Variants in GLIS3 observed in about 807,000 individuals in gnomAD.
GLIS3 encodes GLIS family zinc finger 3.
A neutral mutation model predicts 78.6 loss-of-function variants in GLIS3; 53 were observed. The ratio of observed to expected loss-of-function variants is 0.67; its 90% CI spans 0.54 to 0.85. The LOEUF is 0.85. Among genes scored for constraint, GLIS3 ranks in the 40% least tolerant of loss-of-function variants. GLIS3 has a pLI of 0.00. For synonymous variants in GLIS3, 684 were observed against 509.9 expected (o/e 1.34, Z -4.60); for missense variants, 1,703 against 1,231.1 (o/e 1.38, Z -5.74).
chr9:3,907,025 G>A (rs957961632), intron 6 of GLIS3, among the ~76,000 whole-genome samples: 1 of 152,046 alleles, frequency 6.6e-6, no homozygotes, highest in African/African-American at 2.4e-5. Flanking sequence ...AGTCCACACT[G>A]GGCCTCTCAG....
chr9:4,198,822 G>C (rs762115133), intron 2 of GLIS3, among the ~76,000 whole-genome samples: 106 of 152,268 alleles, frequency 7.0e-4, no homozygotes, highest in Non-Finnish European at 1.3e-3. Flanking sequence ...AAAAAGGTCA[G>C]GTCACATACA....
the GLIS3 span, among the ~76,000 whole-genome samples, chr9:4,368,710 G>A: frequency 2.0e-5 from 3 of 152,166 alleles, no homozygotes; most frequent in East Asian, 5.8e-4. Flanking sequence ...TGACTTTGAC[G>A]AAGCCACTTC....
chr9:4,172,259 G>A (rs938783044), intron 2 of GLIS3, among the ~76,000 whole-genome samples: 2 of 152,092 alleles, frequency 1.3e-5, no homozygotes, highest in Non-Finnish European at 2.9e-5. Flanking sequence ...CCAGGGTAGT[G>A]GCTCAGCTCC....
At chr9:4,199,311 G>C (rs568252952) in intron 2 of GLIS3, among the ~76,000 whole-genome samples, 1 of 152,110 alleles carries the variant, frequency 6.6e-6, no homozygotes, top group Non-Finnish European at 1.5e-5. Flanking sequence ...CTGTCTTCAA[G>C]AGACCCACCT....
At chr9:4,460,946 A>C in the GLIS3 span, among the ~76,000 whole-genome samples, 1 of 152,194 alleles carries the variant, frequency 6.6e-6, no homozygotes, top group Non-Finnish European at 1.5e-5. Flanking sequence ...AATGAGTCCT[A>C]TTTGAAGACA....
intron 2 of GLIS3, among the ~76,000 whole-genome samples, chr9:4,257,001 CACAT>C (rs1563843634): frequency 6.6e-6 from 1 of 152,078 alleles, no homozygotes; most frequent in Non-Finnish European, 1.5e-5. Context: ...TACATATTAA[CACAT>C]ATATAGTACA....
At chr9:4,106,736 C>A (rs1041376182) in intron 4 of GLIS3, among the ~76,000 whole-genome samples, 11 of 152,122 alleles carry the variant, frequency 7.2e-5, no homozygotes, top group Non-Finnish European at 1.2e-4. Flanking sequence ...AGTAAAATAG[C>A]CCTTCACACC....
intron 4 of GLIS3, among the ~76,000 whole-genome samples, chr9:4,080,778 T>G (rs1207791734): frequency 6.6e-6 from 1 of 152,090 alleles, no homozygotes; most frequent in Non-Finnish European, 1.5e-5. Context: ...ACATTACAAA[T>G]ATCAAAGAAA....
the GLIS3 span, among the ~76,000 whole-genome samples, chr9:4,414,193 G>A: frequency 3.5e-3 from 532 of 152,214 alleles, 6 homozygotes; most frequent in South Asian, 0.021. Flanking sequence ...ACTCAAAATG[G>A]CAAGCACTGG....
intron 4 of GLIS3, among the ~76,000 whole-genome samples, chr9:4,090,148 A>G (rs1829375293): frequency 6.6e-6 from 1 of 152,116 alleles, no homozygotes; most frequent in Admixed American, 6.5e-5. Flanking sequence ...AACCCATTTT[A>G]GGCAGAGTTG....
intron 1 of GLIS3, among the ~76,000 whole-genome samples, chr9:4,292,823 T>A (rs149186160): frequency 1.3e-5 from 2 of 152,324 alleles, no homozygotes; most frequent in East Asian, 3.9e-4. Context: ...TAACACACAA[T>A]GTCTTTGAGA....
chr9:3,879,291 A>G, intron 8 of GLIS3, 136 bp downstream of exon 8: 2 of 816,908 alleles, frequency 2.4e-6, no homozygotes, highest in Non-Finnish European at 4.3e-6. Context: ...TTGTGTATGT[A>G]CTTTTAAAAT....
At chr9:4,383,953 C>T in the GLIS3 span, among the ~76,000 whole-genome samples, 1 of 152,210 alleles carries the variant, frequency 6.6e-6, no homozygotes, top group Non-Finnish European at 1.5e-5. Flanking sequence ...AATTCCTCTC[C>T]TTCAAGACTT....
the GLIS3 span, among the ~76,000 whole-genome samples, chr9:4,358,007 A>C: frequency 6.6e-6 from 1 of 152,202 alleles, no homozygotes; most frequent in African/African-American, 2.4e-5. Context: ...TGTTTTTTAA[A>C]AAATAAGATA....
intron 4 of GLIS3, among the ~76,000 whole-genome samples, chr9:3,975,552 T>A (rs1184346067): frequency 1.3e-5 from 2 of 149,190 alleles, no homozygotes; most frequent in African/African-American, 4.9e-5. Flanking sequence ...TGTTTCTGCA[T>A]TTGCATTGCA....
chr9:4,258,171 T>A (rs1057251006), intron 2 of GLIS3, among the ~76,000 whole-genome samples: 1 of 152,214 alleles, frequency 6.6e-6, no homozygotes, highest in African/African-American at 2.4e-5. Flanking sequence ...AAAATACGTC[T>A]TTTTTGTTTT....
At chr9:3,947,395 G>A (rs972791666) in intron 4 of GLIS3, among the ~76,000 whole-genome samples, 1 of 152,234 alleles carries the variant, frequency 6.6e-6, no homozygotes, top group Non-Finnish European at 1.5e-5. Context: ...CATACATACA[G>A]CAACACAAAC....
chr9:4,362,407 A>G, the GLIS3 span, among the ~76,000 whole-genome samples: 30 of 152,232 alleles, frequency 2.0e-4, no homozygotes, highest in Admixed American at 2.0e-3. Context: ...AAACAGGAAG[A>G]CAATTTTCAT....
At chr9:4,075,141 C>A (rs937572901) in intron 4 of GLIS3, among the ~76,000 whole-genome samples, 1 of 124,248 alleles carries the variant, frequency 8.0e-6, no homozygotes, top group East Asian at 1.9e-4. Flanking sequence ...GAGATGAATA[C>A]GTTCAGTGCA....
Sources: gnomAD v4.1 joint callset for allele counts (sites outside exome capture counted in the v4.1 genomes callset) on GRCh38, gnomAD v4.1.1 for gene constraint, MANE v1.5 for transcripts, NCBI Gene and HGNC (gene_info 2026-07-23, HGNC 2026-07-21) for gene names.